The following SNPH variants were observed in gnomAD, a reference collection of about 807,000 sequenced individuals.
The protein encoded by SNPH is syntaphilin.
Under a neutral mutation model 36.8 loss-of-function variants are expected in SNPH, and 10 were observed. The ratio of observed to expected loss-of-function variants is 0.27; its 90% CI spans 0.17 to 0.46. The LOEUF (loss-of-function observed/expected upper bound fraction) is 0.46, where lower values mean the gene tolerates loss of function less well. SNPH is among the 20% of genes least tolerant of loss of function. The pLI, the probability that SNPH is intolerant of heterozygous loss-of-function variation, is 1.00. For synonymous variants in SNPH, 281 were observed against 312.2 expected, an observed-to-expected ratio of 0.90 and a Z score of 1.05; for missense variants, 622 against 744.0, an observed-to-expected ratio of 0.84 and a Z score of 1.91.
chr20:1,296,948 T>C (rs1452618607), intron 4 of SNPH, 197 bp from the exon 5 acceptor site: 3 of 679,548 alleles, frequency 4.4e-6, no homozygotes, highest in South Asian at 1.3e-4. Flanking sequence ...AGGACCAGCC[T>C]TCTTCTGGTT....
intron 2 of SNPH, among the ~76,000 whole-genome samples, chr20:1,284,819 C>T (rs995579440): frequency 2.0e-4 from 30 of 152,280 alleles, no homozygotes; most frequent in African/African-American, 7.2e-4. Context: ...CAGAACTTTA[C>T]ATCAGCCGAA....
At position 1,285,963 on chromosome 20, in the gene SNPH, C is replaced by T. The variant is rs2088279692; in HGVS notation, c.-492-8988C>T. Among the ~76,000 whole-genome samples, 1 of 151,916 alleles carries T rather than the reference C, an allele frequency of 6.6e-6. No individual in the cohort carries two copies. The highest frequency in any genetic ancestry group is 1.5e-5 in the Non-Finnish European group (1 of 67,992). ...TACAAAAATTAGCCAGGGGTGGTGGCAGGCACCTGTAGTCCCAGCTACTGG... is the reference window on the plus strand; with the variant it reads ...TACAAAAATTAGCCAGGGGTGGTGGTAGGCACCTGTAGTCCCAGCTACTGG... On this transcript the variant is annotated intron_variant, in intron 2 of 6. Coordinates refer to ENST00000381867, the MANE Select transcript of SNPH (RefSeq NM_001318234.2). This position sits in a 1 kb window ranked among gnomAD's most constrained non-coding sequence, Gnocchi z 4.9.
intron 2 of SNPH, among the ~76,000 whole-genome samples, chr20:1,280,974 C>G (rs2088210453): frequency 6.6e-6 from 1 of 152,124 alleles, no homozygotes; most frequent in Non-Finnish European, 1.5e-5. Flanking sequence ...AACTCACAGG[C>G]CAGAACTGTC....
intron 5 of SNPH, among the ~76,000 whole-genome samples, chr20:1,300,120 C>T (rs912481229): frequency 1.1e-4 from 16 of 152,122 alleles, no homozygotes; most frequent in Non-Finnish European, 1.5e-4. Context: ...GGTTGGAAGA[C>T]GAGGTACCTG....
At chr20:1,273,785 C>T (rs1027637409) in intron 2 of SNPH, among the ~76,000 whole-genome samples, 2 of 151,964 alleles carry the variant, frequency 1.3e-5, no homozygotes, top group African/African-American at 4.8e-5. Flanking sequence ...AAAGATGGGA[C>T]GGAGAAAAAA....
At chr20:1,280,926 C>A (rs914285467) in intron 2 of SNPH, among the ~76,000 whole-genome samples, 12 of 152,212 alleles carry the variant, frequency 7.9e-5, no homozygotes, top group Admixed American at 6.5e-5. Context: ...ATAGCAGACA[C>A]CTAGCCAGGT....
At chr20:1,300,149 C>T (rs1022651040) in intron 5 of SNPH, among the ~76,000 whole-genome samples, 2 of 152,164 alleles carry the variant, frequency 1.3e-5, no homozygotes, top group East Asian at 1.9e-4. Context: ...GGCACACTAC[C>T]GGGATTGTCT....
Position 1,266,443 on chromosome 20 carries a change from C to T in SNPH, c.-600+46C>T. On this transcript the variant is annotated intron_variant, in intron 1 of 6. Coordinates refer to ENST00000381867, the MANE Select transcript of SNPH (RefSeq NM_001318234.2). This position sits in a 1 kb window ranked among gnomAD's most constrained non-coding sequence, Gnocchi z 6.0. Reference sequence around the variant, plus strand: ...GATCTCCGGGCCCACCGCCCAGCTGCACCCGCCGCAGTCCAGAGTGCCGAG... The same window carrying T: ...GATCTCCGGGCCCACCGCCCAGCTGTACCCGCCGCAGTCCAGAGTGCCGAG... 1 of 603,612 alleles carries T rather than the reference C, an allele frequency of 1.7e-6. No individual in the cohort carries two copies. Among genetic ancestry groups the T allele is most frequent in the Non-Finnish European group, 2.6e-6 (1 of 390,104 alleles). 37.4% of individuals were successfully genotyped at this position (603,612 alleles called of 1,614,324 possible). A position where few individuals can be genotyped will look rare whatever the true frequency, so the allele number is the denominator to read the frequency against.
At chr20:1,286,224 A>C (rs1267874901) in intron 2 of SNPH, among the ~76,000 whole-genome samples, 1 of 152,158 alleles carries the variant, frequency 6.6e-6, no homozygotes, top group South Asian at 2.1e-4. Flanking sequence ...TCTCCAGAGA[A>C]GGAAAACTTA....
chr20:1,277,927 GTC>G (rs1491063290), intron 2 of SNPH, among the ~76,000 whole-genome samples: 2 of 149,502 alleles, frequency 1.3e-5, no homozygotes, highest in African/African-American at 4.9e-5. Context: ...GCCTGTGTGT[GTC>G]TGCGTGTGTG....
chr20:1,289,512 TACACAC>T (rs56289024), intron 2 of SNPH, among the ~76,000 whole-genome samples: 33,680 of 137,048 alleles, frequency 0.25, 4,361 homozygotes, highest in East Asian at 0.53. Flanking sequence ...TTCATTTAAA[TACACAC>T]ACACACACAC....
Position 1,305,394 on chromosome 20 carries a change from C to A in SNPH, c.957C>A (p.Thr319=). ...SSGVDCGTEE[T]SLHSSFGLGP... ...GGGTGGACTGTGGCACCGAGGAGAC[C>A]TCGCTGCACAGCTCCTTCGGCCTGG... The change falls in exon 7 of 7, where the codon ACC becomes ACA. Residue 319 remains threonine (T), a synonymous_variant. Coordinates refer to ENST00000381867, the MANE Select transcript of SNPH (RefSeq NM_001318234.2). 6.2e-7 allele frequency: 1 copy of A among 1,613,024 alleles called. No individual in the cohort carries two copies. The highest frequency in any genetic ancestry group is 8.5e-7 in the Non-Finnish European group (1 of 1,180,032).
chr20:1,297,057 T>A, intron 4 of SNPH, 88 bp from the exon 5 acceptor site: 1 of 1,492,608 alleles, frequency 6.7e-7, no homozygotes, highest in Non-Finnish European at 9.0e-7. Flanking sequence ...GGGGGCACTT[T>A]GGGCCGCAGC....
chr20:1,284,458 T>C (rs2088261393), intron 2 of SNPH, among the ~76,000 whole-genome samples: 4 of 152,230 alleles, frequency 2.6e-5, no homozygotes, highest in African/African-American at 9.6e-5. Context: ...GGAGCTTATA[T>C]TCTAAAGACA....
Position 1,282,233 on chromosome 20 carries a change from A to T in SNPH, c.-492-12718A>T, listed in dbSNP as rs2088233985. 1.3e-5 allele frequency among the ~76,000 whole-genome samples: 2 copies of T among 152,362 alleles called. 1 individual carries two copies. The highest frequency in any genetic ancestry group is 4.1e-4 in the South Asian group (2 of 4,832). ...AAATCCATTATCAGGGAACCAGCCTAAAGAAATAATTCTAAATATAGGAAA... is the reference window on the plus strand; with the variant it reads ...AAATCCATTATCAGGGAACCAGCCTTAAGAAATAATTCTAAATATAGGAAA... On this transcript the variant is annotated intron_variant, in intron 2 of 6. Coordinates refer to ENST00000381867, the MANE Select transcript of SNPH (RefSeq NM_001318234.2).
intron 5 of SNPH, among the ~76,000 whole-genome samples, chr20:1,298,743 C>T (rs1361157778): frequency 6.6e-6 from 1 of 151,014 alleles, no homozygotes; most frequent in Non-Finnish European, 1.5e-5. Context: ...CTGCAAATAG[C>T]CAGGCTTTCC....
At chr20:1,284,899 C>T (rs932856274) in intron 2 of SNPH, among the ~76,000 whole-genome samples, 1 of 152,142 alleles carries the variant, frequency 6.6e-6, no homozygotes, top group African/African-American at 2.4e-5. Context: ...TGACCTGATC[C>T]AATTTGTGTT....
At chr20:1,295,303 A>G (rs2088414637) in intron 3 of SNPH, among the ~76,000 whole-genome samples, 1 of 152,156 alleles carries the variant, frequency 6.6e-6, no homozygotes. Context: ...AAATCCTGGA[A>G]AGGCTGCCCT....
In SNPH at chr20:1,266,866, C is replaced by A; in HGVS notation, c.-493+106C>A. On this transcript the variant is annotated intron_variant, in intron 2 of 6. Coordinates refer to ENST00000381867, the MANE Select transcript of SNPH (RefSeq NM_001318234.2). The surrounding 1 kb of genome is among the most constrained non-coding windows in gnomAD (Gnocchi z 6.0). The stretch of plus-strand genomic sequence containing the variant: ...GGTAGAATCCCTTGGAGGGCACCAG[C>A]CTAAGAGGGGTTAATCGTGACTCAT... The A allele has an allele frequency of 7.9e-7, 1 of 1,266,554 alleles. No homozygotes were observed. The highest frequency in any genetic ancestry group is 1.0e-6 in the Non-Finnish European group (1 of 1,003,674). 78.5% of individuals were successfully genotyped at this position (1,266,554 alleles called of 1,614,324 possible).
Sources: gnomAD v4.1 joint callset for allele counts (sites outside exome capture counted in the v4.1 genomes callset) on GRCh38, gnomAD v4.1.1 for gene constraint, Gnocchi (gnomAD v3.1) non-coding constraint, MANE v1.5 for transcripts, NCBI Gene and HGNC (gene_info 2026-07-23, HGNC 2026-07-21) for gene names.